The following SLC13A1 variants were observed in gnomAD, a reference collection of about 807,000 sequenced individuals.
The protein encoded by SLC13A1 is Na(+)/sulfate cotransporter.
A neutral mutation model predicts 70.0 loss-of-function variants in SLC13A1; 65 were observed. The observed-to-expected ratio is 0.93, with a 90% CI of 0.76 to 1.14. SLC13A1 has a LOEUF of 1.14. Among genes scored for constraint, SLC13A1 ranks in the 50% most tolerant of loss-of-function variants. SLC13A1 has a pLI of 0.00. For missense variants in SLC13A1, 726 were observed against 717.8 expected, an observed-to-expected ratio of 1.01 and a Z score of -0.13; for synonymous variants, 275 against 250.5, an observed-to-expected ratio of 1.10 and a Z score of -0.92.
chr7:123,134,431 T>G lies in SLC13A1; in HGVS notation c.911A>C (p.Gln304Pro), dbSNP rs766153782. The G allele has an allele frequency of 4.3e-6, 7 of 1,613,188 alleles. No homozygotes were observed. The highest frequency in any genetic ancestry group is 5.9e-6 in the Non-Finnish European group (7 of 1,179,450). Residue 304 changes from glutamine (Q) to proline (P), a missense_variant, in exon 8 of 15, where the codon CAG (glutamine) becomes CCG (proline). By Grantham distance (76) the Gln-to-Pro change is moderately conservative. Transcript: ENST00000194130. Reference protein sequence around the residue: ...IILLLSWIWLQWLFLGFNFKE... With the variant: ...IILLLSWIWLPWLFLGFNFKE... ...TTACTTGAATCCTAGGAAAAGCCACTGAAGCCAGATCCAGGATAAGAGTAG... is the reference window on the plus strand; with the variant it reads ...TTACTTGAATCCTAGGAAAAGCCACGGAAGCCAGATCCAGGATAAGAGTAG...
chr7:123,186,770 C>T lies in SLC13A1; in HGVS notation c.100-5669G>A, dbSNP rs557427116. ...TTACTCTGCAACCGTAACAAGTAAA[C>T]GTTTTAATCACATTTTGTTCTGAAG... On this transcript the variant is annotated intron_variant, in intron 1 of 14. Transcript: ENST00000194130. 3.4e-4 allele frequency: 155 copies of T among 455,098 alleles called. 2 individuals are homozygous for T. Among genetic ancestry groups the T allele is most frequent in the African/African-American group, 2.7e-3 (137 of 50,006 alleles). 28.2% of individuals were successfully genotyped at this position (455,098 alleles called of 1,614,324 possible).
intron 6 of SLC13A1, among the ~76,000 whole-genome samples, chr7:123,162,174 T>C (rs1794936570): frequency 6.6e-6 from 1 of 152,130 alleles, no homozygotes. Flanking sequence ...CTAATATGGC[T>C]GAGCTTATGC....
intron 2 of SLC13A1, among the ~76,000 whole-genome samples, chr7:123,178,832 G>T (rs1289031070): frequency 6.6e-6 from 1 of 152,112 alleles, no homozygotes; most frequent in Non-Finnish European, 1.5e-5. Flanking sequence ...AACAAACTTA[G>T]GCTGAAATGC....
intron 6 of SLC13A1, among the ~76,000 whole-genome samples, chr7:123,156,409 C>T (rs920928514): frequency 4.6e-5 from 7 of 152,116 alleles, no homozygotes; most frequent in African/African-American, 1.7e-4. Flanking sequence ...TAAATATTTA[C>T]TAATAATTAA....
At chr7:123,153,276 A>G (rs1034998169) in intron 6 of SLC13A1, among the ~76,000 whole-genome samples, 1 of 152,124 alleles carries the variant, frequency 6.6e-6, no homozygotes, top group African/African-American at 2.4e-5. Context: ...GCTACTGCAC[A>G]TGAGCTGATG....
chr7:123,157,747 A>C lies in SLC13A1; in HGVS notation c.661-10437T>G, dbSNP rs202144527. ...TAAAATATTAAAAACAATCTTTTAA[A>C]GTGCAACAATCATTTTAAAGCTGGA... On this transcript the variant is annotated intron_variant, in intron 6 of 14. Transcript: ENST00000194130. Among the ~76,000 whole-genome samples, 11 of 152,284 alleles carry C rather than the reference A, an allele frequency of 7.2e-5. No homozygotes were observed. In the East Asian group the frequency reaches 2.1e-3, roughly 29 times the overall value.
chr7:123,175,224 A>G (rs965951113), intron 2 of SLC13A1, among the ~76,000 whole-genome samples: 5 of 152,184 alleles, frequency 3.3e-5, no homozygotes, highest in African/African-American at 4.8e-5. Flanking sequence ...AAAGTATTAT[A>G]GATGCTTGAA....
intron 7 of SLC13A1, 33 bp from the exon 8 acceptor site, chr7:123,134,562 GGAGA>G: frequency 6.2e-7 from 1 of 1,600,288 alleles, no homozygotes; most frequent in South Asian, 1.1e-5. Context: ...GTTCAGGGAT[GGAGA>G]GACAGGTGGA....
intron 12 of SLC13A1, among the ~76,000 whole-genome samples, chr7:123,121,082 T>C (rs1200369046): frequency 6.6e-6 from 1 of 152,094 alleles, no homozygotes; most frequent in Non-Finnish European, 1.5e-5. Context: ...AGTTGACTGT[T>C]GAACATTTTG....
intron 1 of SLC13A1, among the ~76,000 whole-genome samples, chr7:123,181,629 A>G (rs1563352249): frequency 6.6e-6 from 1 of 152,172 alleles, no homozygotes; most frequent in South Asian, 2.1e-4. Context: ...GAGAAAAGAC[A>G]TGACAAGTTG....
At chr7:123,153,489 G>A (rs1340045983) in intron 6 of SLC13A1, among the ~76,000 whole-genome samples, 1 of 151,922 alleles carries the variant, frequency 6.6e-6, no homozygotes, top group Non-Finnish European at 1.5e-5. Flanking sequence ...TATTTTTACC[G>A]AGTGCTTGTG....
intron 6 of SLC13A1, among the ~76,000 whole-genome samples, chr7:123,166,608 T>G (rs1795086814): frequency 6.6e-6 from 1 of 152,106 alleles, no homozygotes; most frequent in African/African-American, 2.4e-5. Flanking sequence ...TGTGTTCTCA[T>G]TGTTCAATTC....
chr7:123,135,248 A>G (rs1793914002), intron 7 of SLC13A1, among the ~76,000 whole-genome samples: 1 of 152,226 alleles, frequency 6.6e-6, no homozygotes, highest in Non-Finnish European at 1.5e-5. Context: ...TTAAACTCAC[A>G]TAATAACTCA....
At chr7:123,138,037 C>T (rs1345178769) in intron 7 of SLC13A1, among the ~76,000 whole-genome samples, 4 of 152,062 alleles carry the variant, frequency 2.6e-5, no homozygotes, top group Non-Finnish European at 5.9e-5. Flanking sequence ...ATTTTGTACC[C>T]ATTAACCATC....
At chr7:123,188,984 G>C (rs1052214211) in intron 1 of SLC13A1, among the ~76,000 whole-genome samples, 4 of 149,700 alleles carry the variant, frequency 2.7e-5, no homozygotes, top group African/African-American at 9.8e-5. Flanking sequence ...GTGTAGTGGC[G>C]GGCGCCTGTA....
At chr7:123,127,885 G>T (rs1360908563) in intron 10 of SLC13A1, among the ~76,000 whole-genome samples, 4 of 139,056 alleles carry the variant, frequency 2.9e-5, no homozygotes, top group Non-Finnish European at 6.0e-5. Flanking sequence ...ATTTGAGACA[G>T]GAAGTCCAAG....
chr7:123,169,687 C>G (rs1795199909), intron 3 of SLC13A1, among the ~76,000 whole-genome samples: 1 of 152,186 alleles, frequency 6.6e-6, no homozygotes, highest in South Asian at 2.1e-4. Flanking sequence ...TCACAGCTGA[C>G]CACTTATCTT....
intron 6 of SLC13A1, among the ~76,000 whole-genome samples, chr7:123,160,734 A>T (rs1344925385): frequency 6.6e-6 from 1 of 152,222 alleles, no homozygotes; most frequent in Non-Finnish European, 1.5e-5. Context: ...ACTGTTATAT[A>T]GACCACAGTT....
chr7:123,134,745 T>G (rs1446228145), intron 7 of SLC13A1, among the ~76,000 whole-genome samples: 1 of 150,546 alleles, frequency 6.6e-6, no homozygotes, highest in Admixed American at 6.6e-5. Context: ...TAAGCAAGAG[T>G]GGATGTGTTT....
Sources: allele counts gnomAD v4.1 joint callset (sites outside exome capture counted in the v4.1 genomes callset), GRCh38; gene constraint gnomAD v4.1.1; transcripts MANE v1.5; gene names NCBI Gene and HGNC (gene_info 2026-07-23, HGNC 2026-07-21).